FRAS1: variants seen among roughly 807,000 people sequenced by gnomAD.
The protein encoded by FRAS1 is Fraser extracellular matrix complex subunit 1, also known as extracellular matrix organizing protein FRAS1.
Under a neutral mutation model 435.2 loss-of-function variants are expected in FRAS1, and 290 were observed. That is an observed-to-expected ratio of 0.67 (90% confidence interval 0.61 to 0.73). FRAS1 has a LOEUF of 0.73. FRAS1 is among the 30% of genes least tolerant of loss of function. The probability of loss-of-function intolerance (pLI) is 0.00; values close to 1 mark genes in which losing one functional copy is unlikely to be tolerated. For synonymous variants in FRAS1, 1,800 were observed against 1,851.0 expected (o/e 0.97, Z 0.71); for missense variants, 4,860 against 5,001.5 (o/e 0.97, Z 0.85).
Position 78,264,379 on chromosome 4 carries a change from C to T in FRAS1, c.604-646C>T, listed in dbSNP as rs1726252598. ...CACATTTCTCTGCACTGGCTTATTC[C>T]CAGATACCTAGAGATATGAGTGATT... On this transcript the variant is annotated intron_variant, in intron 6 of 73. Coordinates refer to ENST00000512123, the MANE Select transcript of FRAS1 (RefSeq NM_025074.7). Among the ~76,000 whole-genome samples, 3 of 152,102 alleles carry T rather than the reference C, an allele frequency of 2.0e-5. No homozygotes were observed. In the South Asian group the frequency reaches 6.2e-4, roughly 32 times the overall value.
intron 9 of FRAS1, among the ~76,000 whole-genome samples, chr4:78,270,586 C>G (rs1410490228): frequency 1.6e-5 from 2 of 123,584 alleles, no homozygotes; most frequent in East Asian, 5.1e-4. Flanking sequence ...ACTTTCTTTG[C>G]CTCATTTAGG....
At chr4:78,446,431 C>A in intron 42 of FRAS1, 1 of 1,146,734 alleles carries the variant, frequency 8.7e-7, no homozygotes, top group Non-Finnish European at 1.1e-6. Flanking sequence ...AATACTTGTA[C>A]TTGTCAAAGC....
At chr4:78,490,133 A>G (rs1720305715) in intron 59 of FRAS1, among the ~76,000 whole-genome samples, 1 of 152,174 alleles carries the variant, frequency 6.6e-6, no homozygotes, top group African/African-American at 2.4e-5. Context: ...ATATGCACCC[A>G]ATACAGGAAC....
chr4:78,495,810 C>T (rs975458098), intron 59 of FRAS1, among the ~76,000 whole-genome samples: 10 of 152,008 alleles, frequency 6.6e-5, no homozygotes, highest in Non-Finnish European at 1.0e-4. Flanking sequence ...ACTTGTCATT[C>T]ACTAACATTT....
In FRAS1 at chr4:78,369,909, C is replaced by T. The variant is rs1731429216; in HGVS notation, c.2794C>T (p.Leu932=). 1 of 1,613,878 alleles carries T rather than the reference C, an allele frequency of 6.2e-7. No homozygotes were observed. Among genetic ancestry groups the T allele is most frequent in the Non-Finnish European group, 8.5e-7 (1 of 1,179,786 alleles). The change falls in exon 23 of 74, where the codon CTG becomes TTG. Residue 932 remains leucine (L), a synonymous_variant. Coordinates refer to ENST00000512123, the MANE Select transcript of FRAS1 (RefSeq NM_025074.7). ...CTSCRDPNKV[L]LFGECQYESC... ...CTCCTGCCGAGATCCAAACAAGGTT[C>T]TGCTCTTTGGGGAATGTCAATACGA...
rs1219174479 is a variant in FRAS1 at position 78,250,619 on chromosome 4, TA to T, written c.310-1771del. The stretch of plus-strand genomic sequence containing the variant: ...ATCTTTAGTCATTAAAATTTAATTT[TA>T]AGTCTTCTGTGTCTAGTGATAAGCC... On this transcript the variant is annotated intron_variant, in intron 4 of 73. Transcript: ENST00000512123. Among the ~76,000 whole-genome samples the T allele has an allele frequency of 2.6e-5, 4 of 152,222 alleles. No homozygotes were observed. In the East Asian group the frequency reaches 5.8e-4, roughly 22 times the overall value.
chr4:78,476,136 C>A (rs139310801), intron 54 of FRAS1, among the ~76,000 whole-genome samples: 2 of 152,322 alleles, frequency 1.3e-5, no homozygotes, highest in East Asian at 3.9e-4. Flanking sequence ...GATGATGATG[C>A]CTCTTGCTAG....
In FRAS1 at chr4:78,317,432, C is replaced by T; in HGVS notation, c.1884C>T (p.Pro628=). 1 of 1,613,918 alleles carries T rather than the reference C, an allele frequency of 6.2e-7. No homozygotes were observed. The highest frequency in any genetic ancestry group is 8.5e-7 in the Non-Finnish European group (1 of 1,179,856). The change falls in exon 17 of 74, where the codon CCC becomes CCT. Residue 628 remains proline (P), a synonymous_variant. Coordinates refer to ENST00000512123, the MANE Select transcript of FRAS1 (RefSeq NM_025074.7). ...PTPSHCTACS[P]PKALRQGHCL... Reference sequence around the variant, plus strand: ...CCTCTCACTGTACAGCCTGCAGCCCCCCCAAGGCTCTGCGTCAAGGCCACT... The same window carrying T: ...CCTCTCACTGTACAGCCTGCAGCCCTCCCAAGGCTCTGCGTCAAGGCCACT...
chr4:78,283,687 C>T (rs1402419892), intron 12 of FRAS1, among the ~76,000 whole-genome samples: 7 of 152,126 alleles, frequency 4.6e-5, no homozygotes, highest in African/African-American at 1.7e-4. Context: ...CTTATTTTGG[C>T]TAATTGCAGT....
chr4:78,201,144 T>A (rs1030699291), intron 2 of FRAS1, among the ~76,000 whole-genome samples: 2 of 152,102 alleles, frequency 1.3e-5, no homozygotes, highest in African/African-American at 4.8e-5. Flanking sequence ...TGTGTCTGCC[T>A]CTCCTCCCTG....
intron 2 of FRAS1, among the ~76,000 whole-genome samples, chr4:78,177,475 A>G (rs1560565139): frequency 6.6e-6 from 1 of 152,142 alleles, no homozygotes; most frequent in African/African-American, 2.4e-5. Flanking sequence ...GGTTGGGGAC[A>G]TTGGTCTATG....
intron 27 of FRAS1, among the ~76,000 whole-genome samples, chr4:78,383,499 G>T (rs916052804): frequency 6.6e-6 from 1 of 152,140 alleles, no homozygotes; most frequent in Middle Eastern, 3.2e-3. Flanking sequence ...GTTGCAAATC[G>T]CCAGGGAAGA....
Position 78,511,442 on chromosome 4 carries a change from C to G in FRAS1, c.9949C>G (p.Gln3317Glu), listed in dbSNP as rs1200577469. The G allele has an allele frequency of 6.2e-7, 1 of 1,613,920 alleles. No individual in the cohort carries two copies. Among genetic ancestry groups the G allele is most frequent in the Non-Finnish European group, 8.5e-7 (1 of 1,179,862 alleles). The change falls in exon 64 of 74, where the codon CAG becomes GAG. Residue 3317 changes from glutamine to glutamate, a missense_variant. Coordinates refer to ENST00000512123, the MANE Select transcript of FRAS1 (RefSeq NM_025074.7). ...GGTGGCTGGGACATCCAGAGGCTTCCAGGCTCAGTCCTTCATCGCAACCTT... is the reference window on the plus strand; with the variant it reads ...GGTGGCTGGGACATCCAGAGGCTTCGAGGCTCAGTCCTTCATCGCAACCTT... ...PVVAGTSRGF[Q>E]AQSFIATLKY...
rs1408260559 is a variant in FRAS1, at chr4:78,226,340, G to A, written c.109-11170G>A. On this transcript the variant is annotated intron_variant, in intron 2 of 73. Transcript: ENST00000512123. ...TTCTATTTAGAGTCATTTTCTTATT[G>A]CCTGGAGAACTTCCTTTAGTATTGT... Among the ~76,000 whole-genome samples, 4 of 151,686 alleles carry A rather than the reference G, an allele frequency of 2.6e-5. No homozygotes were observed. The East Asian group carries it at 7.7e-4, about 29-fold the overall frequency.
intron 15 of FRAS1, among the ~76,000 whole-genome samples, chr4:78,314,426 C>G (rs1250917837): frequency 6.6e-6 from 1 of 152,146 alleles, no homozygotes; most frequent in Non-Finnish European, 1.5e-5. Context: ...CTCACAACCT[C>G]CACGGCTCTA....
intron 18 of FRAS1, among the ~76,000 whole-genome samples, chr4:78,324,379 G>A (rs1465499196): frequency 6.6e-6 from 1 of 151,964 alleles, no homozygotes; most frequent in Non-Finnish European, 1.5e-5. Context: ...TGTTTATCTG[G>A]CAACACTACC....
chr4:78,238,678 T>G (rs1353692015), intron 3 of FRAS1, among the ~76,000 whole-genome samples: 1 of 152,132 alleles, frequency 6.6e-6, no homozygotes, highest in East Asian at 1.9e-4. Context: ...TAAATATTCC[T>G]AAAAAAATCA....
chr4:78,506,272 G>A (rs1720837987), intron 61 of FRAS1, among the ~76,000 whole-genome samples: 1 of 152,336 alleles, frequency 6.6e-6, no homozygotes, highest in South Asian at 2.1e-4. Context: ...GAGAACAACT[G>A]CTCTCTTCAG....
At chr4:78,195,367 G>C (rs1388349206) in intron 2 of FRAS1, among the ~76,000 whole-genome samples, 1 of 152,246 alleles carries the variant, frequency 6.6e-6, no homozygotes. Flanking sequence ...CCTGCCCCCA[G>C]AGGTGGAGTC....
Sources: allele counts gnomAD v4.1 joint callset (sites outside exome capture counted in the v4.1 genomes callset), GRCh38; gene constraint gnomAD v4.1.1; transcripts MANE v1.5; gene names NCBI Gene and HGNC (gene_info 2026-07-23, HGNC 2026-07-21).